RAD9B: variants seen among roughly 807,000 people sequenced by gnomAD.
RAD9B encodes cell cycle checkpoint control protein RAD9B.
A neutral mutation model predicts 48.3 loss-of-function variants in RAD9B; 41 were observed. The observed-to-expected ratio is 0.85, with a 90% CI of 0.66 to 1.10. The LOEUF (loss-of-function observed/expected upper bound fraction) is 1.10, where lower values mean the gene tolerates loss of function less well. RAD9B is among the 50% of genes least tolerant of loss of function. The pLI, the probability that RAD9B is intolerant of heterozygous loss-of-function variation, is 0.00. For missense variants in RAD9B, 444 were observed against 485.1 expected, an observed-to-expected ratio of 0.92 and a Z score of 0.80; for synonymous variants, 160 against 157.9, an observed-to-expected ratio of 1.01 and a Z score of -0.10.
At chr12:110,502,434 T>C in intron 1 of RAD9B, 51 bp downstream of exon 1, 1 of 1,594,354 alleles carries the variant, frequency 6.3e-7, no homozygotes, top group Non-Finnish European at 8.6e-7. Context: ...AAGCAGACGT[T>C]AATAGGTCGT....
At chr12:110,519,963 A>G (rs1310956204) in intron 9 of RAD9B, 47 bp downstream of exon 9, 1 of 1,571,212 alleles carries the variant, frequency 6.4e-7, no homozygotes, top group East Asian at 2.3e-5. Flanking sequence ...AAGCCATCAT[A>G]ATCTTATTTT....
Position 110,502,526 on chromosome 12 carries a change from C to G in RAD9B, c.46+143C>G. ...CGCCCTGGCCACAGCCCCACCCACT[C>G]AAGTCCCTGTTAACTTCTGAGGGGA... is the stretch of plus-strand genomic sequence containing the variant. On this transcript the variant is annotated intron_variant, in intron 1 of 10. Transcript: ENST00000409300. The G allele has an allele frequency of 4.5e-6, 4 of 895,210 alleles. No homozygotes were observed. In the South Asian group the frequency reaches 6.4e-5, roughly 14 times the overall value. The allele number at this position is 895,210 out of a possible 1,614,324, so 55.5% of individuals were successfully genotyped here.
intron 8 of RAD9B, 76 bp from the exon 9 acceptor site, chr12:110,519,718 T>C: frequency 6.7e-7 from 1 of 1,486,730 alleles, no homozygotes; most frequent in Non-Finnish European, 9.0e-7. Flanking sequence ...AGTCCAGAAT[T>C]AAGTATCATT....
chr12:110,518,603 G>T, intron 6 of RAD9B, 73 bp from the exon 7 acceptor site: 1 of 1,106,092 alleles, frequency 9.0e-7, no homozygotes, highest in South Asian at 1.6e-5. Flanking sequence ...TGGGAGACCA[G>T]AAAAATTCTT....
chr12:110,513,161 G>A (rs1021550594), intron 5 of RAD9B, among the ~76,000 whole-genome samples: 1 of 151,764 alleles, frequency 6.6e-6, no homozygotes, highest in South Asian at 2.1e-4. Context: ...AGAGACGGGG[G>A]GTTTTACCGT....
chr12:110,506,896 A>T (rs2063291007), intron 4 of RAD9B, among the ~76,000 whole-genome samples: 1 of 151,360 alleles, frequency 6.6e-6, no homozygotes, highest in African/African-American at 2.4e-5. Flanking sequence ...CTGGAGTGCA[A>T]TGCCGCCATC....
chr12:110,522,462 T>G (rs374854543), intron 10 of RAD9B, 51 bp downstream of exon 10: 15 of 1,340,526 alleles, frequency 1.1e-5, no homozygotes, highest in Admixed American at 6.0e-5. Context: ...CTCATCTGTC[T>G]CCCTTTGCAG....
At chr12:110,502,656 C>A in intron 1 of RAD9B, 1 of 449,532 alleles carries the variant, frequency 2.2e-6, no homozygotes. Context: ...CTGAGGACTG[C>A]ATGGGGAAGA....
rs775429101 is a variant in RAD9B at position 110,502,336 on chromosome 12, G to T, written c.-2G>T. 4 of 1,613,336 alleles carry T rather than the reference G, an allele frequency of 2.5e-6. No homozygotes were observed. The South Asian group carries it at 4.4e-5, about 18-fold the overall frequency. On this transcript the variant is annotated 5_prime_UTR_variant, in exon 1 of 11. Transcript: ENST00000409300. ...GCCTTCCGAGCCTGCTTTTTAGGGC[G>T]GATGGCAGCCATGCTGAAGTGCGTG...
chr12:110,506,627 G>A lies in RAD9B; in HGVS notation c.322G>A (p.Glu108Lys). ...TCTGAATTCCCTTGAAAGAAATATA[G>A]AGAAGTGCAGAATATTCACCAGATC... ...RCLNSLERNIEKCRIFTRSDK... is the reference protein window; with the variant it reads ...RCLNSLERNIKKCRIFTRSDK... Residue 108 changes from glutamate (E) to lysine (K), a missense_variant, in exon 4 of 11, where the codon GAG (glutamate) becomes AAG (lysine). Transcript: ENST00000409300. 1 of 1,605,296 alleles carries A rather than the reference G, an allele frequency of 6.2e-7. No individual in the cohort carries two copies. The highest frequency in any genetic ancestry group is 2.2e-5 in the East Asian group (1 of 44,720).
chr12:110,530,070 G>T (rs982020637), intron 10 of RAD9B, among the ~76,000 whole-genome samples: 2 of 152,114 alleles, frequency 1.3e-5, no homozygotes, highest in Admixed American at 6.6e-5. Context: ...TTGAGATGGA[G>T]TCTTGCTCTG....
chr12:110,506,646 C>T lies in RAD9B; in HGVS notation c.341C>T (p.Thr114Ile), dbSNP rs2063280471. Residue 114 changes from threonine to isoleucine, a missense_variant, in exon 4 of 11, where the codon ACC becomes ATC. Transcript: ENST00000409300. The stretch of plus-strand genomic sequence containing the variant: ...AATATAGAGAAGTGCAGAATATTCA[C>T]CAGATCTGATAAATGCAAAGTAGTT... ...ERNIEKCRIF[T>I]RSDKCKVVIQ... 3.1e-6 allele frequency: 5 copies of T among 1,604,148 alleles called. No homozygotes were observed. Among genetic ancestry groups the T allele is most frequent in the Non-Finnish European group, 3.4e-6 (4 of 1,171,616 alleles).
At chr12:110,507,713 T>C (rs1387375005) in intron 4 of RAD9B, among the ~76,000 whole-genome samples, 1 of 150,576 alleles carries the variant, frequency 6.6e-6, no homozygotes, top group East Asian at 1.9e-4. Context: ...TGCAATGGCA[T>C]GATCTTGGCT....
In RAD9B at chr12:110,531,625, T is replaced by C. The variant is rs1215131245; in HGVS notation, c.*972T>C. The C allele has an allele frequency of 1.9e-6, 3 of 1,611,496 alleles. No homozygotes were observed. The highest frequency in any genetic ancestry group is 2.2e-5 in the South Asian group (2 of 90,836). Reference sequence around the variant, plus strand: ...AGTGATGCCAAATATTTCTGTATTATCTGACATAGAACAGTATCCTCCACT... The same window carrying C: ...AGTGATGCCAAATATTTCTGTATTACCTGACATAGAACAGTATCCTCCACT... On this transcript the variant is annotated 3_prime_UTR_variant, in exon 11 of 11. Transcript: ENST00000409300.
At chr12:110,511,218 A>G (rs1288102681) in intron 4 of RAD9B, among the ~76,000 whole-genome samples, 3 of 152,116 alleles carry the variant, frequency 2.0e-5, no homozygotes, top group East Asian at 1.9e-4. Flanking sequence ...TGATCCAGCA[A>G]TCCCACTACT....
At chr12:110,509,124 C>T (rs945250493) in intron 4 of RAD9B, among the ~76,000 whole-genome samples, 3 of 152,108 alleles carry the variant, frequency 2.0e-5, no homozygotes, top group African/African-American at 7.2e-5. Context: ...GCCACCATGC[C>T]CGGCTAACTT....
At chr12:110,503,982 C>G in intron 2 of RAD9B, 106 bp downstream of exon 2, 2 of 633,352 alleles carry the variant, frequency 3.2e-6, no homozygotes, top group Non-Finnish European at 5.3e-6. Flanking sequence ...GTAATTATCC[C>G]TTTCACTGTT....
chr12:110,507,785 G>C (rs537569449), intron 4 of RAD9B, among the ~76,000 whole-genome samples: 436 of 151,274 alleles, frequency 2.9e-3, no homozygotes, highest in Middle Eastern at 0.017. Flanking sequence ...TGAGTAGCTA[G>C]GATTACAGGC....
Position 110,518,727 on chromosome 12 carries a change from ACTT to A in RAD9B, c.651_653del (p.Phe218del). 1.2e-6 allele frequency: 2 copies of A among 1,612,216 alleles called. No homozygotes were observed. The highest frequency in any genetic ancestry group is 1.7e-6 in the Non-Finnish European group (2 of 1,178,638). On this transcript the variant is annotated inframe_deletion, in exon 7 of 11. Transcript: ENST00000409300. Reference sequence around the variant, plus strand: ...ATGTTTGTTGGCTCAGATGAGTTTGACTTCTTTCAAATTGGAATGGACACTGAG... The same window carrying A: ...ATGTTTGTTGGCTCAGATGAGTTTGACTTTCAAATTGGAATGGACACTGAG...
Sources: allele counts gnomAD v4.1 joint callset (sites outside exome capture counted in the v4.1 genomes callset), GRCh38; gene constraint gnomAD v4.1.1; transcripts MANE v1.5; gene names NCBI Gene and HGNC (gene_info 2026-07-23, HGNC 2026-07-21).